The following NR1I3 variants were observed in gnomAD, a reference collection of about 807,000 sequenced individuals.
NR1I3 encodes the protein constitutive activator of retinoid response.
In NR1I3, 30 loss-of-function variants were observed where a neutral mutation model predicts 38.4. The observed-to-expected ratio is 0.78, with a 90% CI of 0.58 to 1.06. NR1I3 has a LOEUF of 1.06. Ranked by LOEUF, NR1I3 falls within the 50% of genes least tolerant of loss-of-function variation. NR1I3 has a pLI of 0.00. For synonymous variants in NR1I3, 143 were observed against 165.1 expected (o/e 0.87, Z 1.03); for missense variants, 388 against 435.7 (o/e 0.89, Z 0.97).
rs1276411130 is a variant in NR1I3 at position 161,232,797 on chromosome 1, G to A, written c.548+10C>T. 1.9e-6 allele frequency: 3 copies of A among 1,613,802 alleles called. No homozygotes were observed. In the South Asian group the frequency reaches 3.3e-5, roughly 18 times the overall value. On this transcript the variant is annotated intron_variant, in intron 5 of 8. Coordinates refer to ENST00000367983, the MANE Select transcript of NR1I3 (RefSeq NM_005122.5). Reference sequence around the variant, plus strand: ...GTTTGCCTCCTGAAAGATGAGGGGAGGTCACTCACCGGAAGACGGGCAGGT... The same window carrying A: ...GTTTGCCTCCTGAAAGATGAGGGGAAGTCACTCACCGGAAGACGGGCAGGT...
Position 161,236,478 on chromosome 1 carries a change from C to A in NR1I3, c.88G>T (p.Gly30Cys), listed in dbSNP as rs755313912. Residue 30 changes from glycine to cysteine, a missense_variant, in exon 2 of 9, where the codon GGC (glycine) becomes TGC (cysteine). Physicochemically the swap from Gly to Cys is radical, Grantham distance 159. Coordinates refer to ENST00000367983, the MANE Select transcript of NR1I3 (RefSeq NM_005122.5). ...TCTCACCTGAAGAAACCCTTGCAGC[C>A]CTCACAAGTCAGCGCATTAAAGTGG... ...GYHFNALTCE[G>C]CKGFFRRTVS... 3 of 1,614,156 alleles carry A rather than the reference C, an allele frequency of 1.9e-6. No homozygotes were observed. The highest frequency in any genetic ancestry group is 1.7e-6 in the Non-Finnish European group (2 of 1,180,030).
chr1:161,235,999 T>A, intron 2 of NR1I3, 22 bp from the exon 3 acceptor site: 7 of 1,567,568 alleles, frequency 4.5e-6, no homozygotes, highest in Non-Finnish European at 6.0e-6. Context: ...AGAGATGTTG[T>A]TAGAGTCTGG....
Sources: gnomAD v4.1 joint callset for allele counts on GRCh38, gnomAD v4.1.1 for gene constraint, MANE v1.5 for transcripts, NCBI Gene and HGNC (gene_info 2026-07-23, HGNC 2026-07-21) for gene names.